KIZ: variants seen among roughly 807,000 people sequenced by gnomAD.
The protein encoded by KIZ is kizuna centrosomal protein.
Under a neutral mutation model 79.6 loss-of-function variants are expected in KIZ, and 68 were observed. That is an observed-to-expected ratio of 0.85 (90% CI 0.70 to 1.05). The LOEUF (loss-of-function observed/expected upper bound fraction) is 1.05. Among genes scored for constraint, KIZ ranks in the 50% least tolerant of loss-of-function variants. The probability of loss-of-function intolerance (pLI) is 0.00; values close to 1 mark genes in which losing one functional copy is unlikely to be tolerated. For synonymous variants in KIZ, 280 were observed against 281.8 expected, an observed-to-expected ratio of 0.99 and a Z score of 0.06; for missense variants, 797 against 800.4, an observed-to-expected ratio of 1.00 and a Z score of 0.05.
rs140266352 is a variant in KIZ, at chr20:21,244,266, C to T, written c.1902C>T (p.Pro634=). The change falls in exon 12 of 13, where the codon CCC becomes CCT. Residue 634 remains proline, a synonymous_variant. Transcript: ENST00000619189. ...GCAGGCATGAAAACAAAAAGAAACC[C>T]GTGATCAATTTAAAATCTAATGGTG... ...PLSRHENKKK[P]VINLKSNALW... 79 of 1,602,876 alleles carry T rather than the reference C, an allele frequency of 4.9e-5. No homozygotes were observed. Among genetic ancestry groups the T allele is most frequent in the African/African-American group, 1.7e-4 (13 of 74,668 alleles).
chr20:21,201,044 G>A (rs952208217), intron 6 of KIZ, among the ~76,000 whole-genome samples: 3 of 151,996 alleles, frequency 2.0e-5, no homozygotes, highest in Non-Finnish European at 2.9e-5. Context: ...TTAGCAAAGT[G>A]TGGTGGCGCA....
chr20:21,220,177 C>T (rs918452694), intron 9 of KIZ, among the ~76,000 whole-genome samples: 35 of 149,304 alleles, frequency 2.3e-4, no homozygotes, highest in African/African-American at 8.3e-4. Context: ...ATATAAAATC[C>T]TTAATTATAT....
chr20:21,237,498 C>T (rs575974520), intron 11 of KIZ, among the ~76,000 whole-genome samples: 89 of 152,188 alleles, frequency 5.8e-4, no homozygotes, highest in African/African-American at 2.1e-3. Flanking sequence ...CTGTCAAGCA[C>T]GGGTAGTCTG....
At chr20:21,229,277 C>T (rs1307430675) in intron 10 of KIZ, among the ~76,000 whole-genome samples, 162 bp downstream of exon 10, 3 of 152,248 alleles carry the variant, frequency 2.0e-5, no homozygotes, top group African/African-American at 7.2e-5. Context: ...AGCAAATGGA[C>T]ATGTGGAAAA....
At chr20:21,236,040 A>G (rs1055748129) in intron 11 of KIZ, among the ~76,000 whole-genome samples, 2 of 152,228 alleles carry the variant, frequency 1.3e-5, no homozygotes, top group Admixed American at 1.3e-4. Context: ...GCACATCTCC[A>G]TTCTTAAATT....
rs1253627959 is a variant in KIZ, at chr20:21,246,480, C to T, written c.1926C>T (p.Ala642=). The change falls in exon 13 of 13, where the codon GCC becomes GCT. Residue 642 remains alanine (A), a splice_region_variant and synonymous_variant. Coordinates refer to ENST00000619189, the MANE Select transcript of KIZ (RefSeq NM_018474.6). Reference sequence around the variant, plus strand: ...TAACTGTCTGGTTTTATTTTCCAGCCCTCTGGGATGAGTCTGATGACAGTA... The same window carrying T: ...TAACTGTCTGGTTTTATTTTCCAGCTCTCTGGGATGAGTCTGATGACAGTA... ...KKPVINLKSN[A]LWDESDDSNS... 1 of 1,592,374 alleles carries T rather than the reference C, an allele frequency of 6.3e-7. No individual in the cohort carries two copies. Among genetic ancestry groups the T allele is most frequent in the Non-Finnish European group, 8.6e-7 (1 of 1,160,820 alleles).
At chr20:21,236,996 T>TG (rs2037031445) in intron 11 of KIZ, among the ~76,000 whole-genome samples, 1 of 130,086 alleles carries the variant, frequency 7.7e-6, no homozygotes. Context: ...AGACTCTGTT[T>TG]AAAAAAAAAA....
rs762630168 is a variant in KIZ, at chr20:21,229,095, C to T, written c.1763C>T (p.Ala588Val). ...QTENRFQKTDASVSHLSGLNI... is the reference protein window; with the variant it reads ...QTENRFQKTDVSVSHLSGLNI... The stretch of plus-strand genomic sequence containing the variant: ...GAAAACAGGTTTCAAAAGACAGATG[C>T]TTCTGTGTCACACTTGTCAGGTAAG... The change falls in exon 10 of 13, where the codon GCT becomes GTT. Residue 588 changes from alanine (A) to valine (V), a missense_variant. By Grantham distance (64) the Ala-to-Val change is moderately conservative. Coordinates refer to ENST00000619189, the MANE Select transcript of KIZ (RefSeq NM_018474.6). 1 of 1,608,508 alleles carries T rather than the reference C, an allele frequency of 6.2e-7. No individual in the cohort carries two copies. Among genetic ancestry groups the T allele is most frequent in the Non-Finnish European group, 8.5e-7 (1 of 1,175,744 alleles).
At chr20:21,166,369 A>G (rs6047283) in intron 6 of KIZ, 1,050,846 of 1,601,226 alleles carry the variant, frequency 0.66, 350,617 homozygotes, top group South Asian at 0.78. Context: ...TCAAATCTGG[A>G]GCTGATCACT....
intron 6 of KIZ, among the ~76,000 whole-genome samples, chr20:21,186,052 C>T (rs1175414435): frequency 6.6e-6 from 1 of 151,946 alleles, no homozygotes; most frequent in South Asian, 2.1e-4. Flanking sequence ...TTGCTGATCT[C>T]GACAGATTCT....
chr20:21,176,030 C>CTGG (rs769417188), intron 6 of KIZ, among the ~76,000 whole-genome samples: 8 of 152,036 alleles, frequency 5.3e-5, no homozygotes, highest in Non-Finnish European at 1.0e-4. Context: ...AAAATGGAGG[C>CTGG]TGGGCACGGT....
At chr20:21,175,950 A>C (rs2034413069) in intron 6 of KIZ, among the ~76,000 whole-genome samples, 1 of 152,246 alleles carries the variant, frequency 6.6e-6, no homozygotes, top group Non-Finnish European at 1.5e-5. Context: ...CAGGAGGTGG[A>C]GGTTGCTGTG....
intron 1 of KIZ, among the ~76,000 whole-genome samples, chr20:21,128,309 G>A (rs1408803080): frequency 3.9e-5 from 6 of 152,044 alleles, no homozygotes; most frequent in Non-Finnish European, 8.8e-5. Flanking sequence ...CACTGCACCC[G>A]GCCTTGGTTG....
intron 2 of KIZ, among the ~76,000 whole-genome samples, chr20:21,133,567 C>T (rs1009432381): frequency 7.9e-5 from 12 of 152,254 alleles, no homozygotes; most frequent in Non-Finnish European, 7.3e-5. Flanking sequence ...TGAGCTGCTG[C>T]TTCTCTCCCA....
chr20:21,199,661 C>T (rs1193691424), intron 6 of KIZ, among the ~76,000 whole-genome samples: 1 of 152,098 alleles, frequency 6.6e-6, no homozygotes, highest in Non-Finnish European at 1.5e-5. Context: ...CCCTTAGCAC[C>T]CAGAAGTCCC....
intron 6 of KIZ, among the ~76,000 whole-genome samples, chr20:21,201,037 G>A (rs988749615): frequency 1.3e-5 from 2 of 152,062 alleles, no homozygotes; most frequent in African/African-American, 4.8e-5. Flanking sequence ...AAAAAAATTA[G>A]CAAAGTGTGG....
chr20:21,213,457 TATTA>T (rs1473965545), intron 7 of KIZ: 3 of 152,252 alleles, frequency 2.0e-5, no homozygotes, highest in Non-Finnish European at 4.4e-5. Context: ...CTGCTCTTTA[TATTA>T]ATTTTAAACT....
chr20:21,171,961 TA>T (rs2034226071), intron 6 of KIZ, among the ~76,000 whole-genome samples: 1 of 152,206 alleles, frequency 6.6e-6, no homozygotes, highest in Non-Finnish European at 1.5e-5. Flanking sequence ...GCTGGACATA[TA>T]GGTGAAGCCT....
chr20:21,210,483 G>T (rs1250636013), intron 7 of KIZ, among the ~76,000 whole-genome samples: 3 of 151,824 alleles, frequency 2.0e-5, no homozygotes, highest in Non-Finnish European at 2.9e-5. Flanking sequence ...CCTGTCCACT[G>T]TCACTTCAGT....
Sources: gnomAD v4.1 joint callset for allele counts (sites outside exome capture counted in the v4.1 genomes callset) on GRCh38, gnomAD v4.1.1 for gene constraint, MANE v1.5 for transcripts, NCBI Gene and HGNC (gene_info 2026-07-23, HGNC 2026-07-21) for gene names.